PTP4A1: variants seen among roughly 807,000 people sequenced by gnomAD.
The protein encoded by PTP4A1 is protein tyrosine phosphatase 4A1.
A neutral mutation model predicts 20.5 loss-of-function variants in PTP4A1; 9 were observed. The ratio of observed to expected loss-of-function variants is 0.44; its 90% CI spans 0.26 to 0.77. The LOEUF is 0.77. Among genes scored for constraint, PTP4A1 ranks in the 30% least tolerant of loss-of-function variants. The probability of loss-of-function intolerance (pLI) is 0.19; values close to 1 mark genes in which losing one functional copy is unlikely to be tolerated. For synonymous variants in PTP4A1, 78 were observed against 67.4 expected (o/e 1.16, Z -0.77); for missense variants, 137 against 218.8 (o/e 0.63, Z 2.36).
At chr6:63,536,607 C>T (rs939976133) in intron 2 of PTP4A1, among the ~76,000 whole-genome samples, 3 of 152,040 alleles carry the variant, frequency 2.0e-5, no homozygotes, top group Admixed American at 2.0e-4. Flanking sequence ...TGATGTATGA[C>T]TTTATAATAT....
At chr6:63,529,521 C>G (rs1206517414) in intron 2 of PTP4A1, among the ~76,000 whole-genome samples, 1 of 152,136 alleles carries the variant, frequency 6.6e-6, no homozygotes, top group Non-Finnish European at 1.5e-5. Flanking sequence ...AACAACCTAG[C>G]CTTCCTTTTC....
chr6:63,548,794 C>A, intron 2 of PTP4A1: 1 of 728,972 alleles, frequency 1.4e-6, no homozygotes, highest in Admixed American at 1.9e-5. Flanking sequence ...AGGACATTGC[C>A]TCCCCAGTGA....
chr6:63,547,074 T>C (rs1776223891), intron 2 of PTP4A1, among the ~76,000 whole-genome samples: 1 of 152,326 alleles, frequency 6.6e-6, no homozygotes, highest in Middle Eastern at 3.4e-3. Context: ...TATTTGAGCA[T>C]TCTCCTTTCA....
intron 2 of PTP4A1, among the ~76,000 whole-genome samples, chr6:63,528,953 G>T (rs965570735): frequency 6.6e-5 from 10 of 151,854 alleles, no homozygotes; most frequent in Admixed American, 2.0e-4. Context: ...GCTGGGCGTG[G>T]TGGCACATGC....
rs1477485422 is a variant in PTP4A1, at chr6:63,581,763, GT to G, written c.*1593del. On this transcript the variant is annotated 3_prime_UTR_variant, in exon 6 of 6. Transcript: ENST00000626021. ...TAAAGCTCAGTTCCACTAGTTCATGGTTTTGTGCAACTTCTGAGCCTCAGTT... is the reference window on the plus strand; with the variant it reads ...TAAAGCTCAGTTCCACTAGTTCATGGTTTGTGCAACTTCTGAGCCTCAGTT... 6.6e-5 allele frequency: 10 copies of G among 152,056 alleles called. No homozygotes were observed. Among genetic ancestry groups the G allele is most frequent in the Non-Finnish European group, 2.9e-5 (2 of 67,984 alleles). 9.4% of individuals were successfully genotyped at this position (152,056 alleles called of 1,614,324 possible). A position where few individuals can be genotyped will look rare whatever the true frequency, so the allele number is the denominator to read the frequency against.
intron 3 of PTP4A1, among the ~76,000 whole-genome samples, chr6:63,553,819 T>C (rs1776551478): frequency 6.6e-6 from 1 of 152,192 alleles, no homozygotes; most frequent in African/African-American, 2.4e-5. Context: ...ACAAAACCAT[T>C]GCCCAGCCTG....
intron 2 of PTP4A1, chr6:63,548,702 G>A: frequency 1.7e-6 from 1 of 602,172 alleles, no homozygotes. Context: ...ACTCAACAGT[G>A]TACATTTAAC....
intron 2 of PTP4A1, among the ~76,000 whole-genome samples, chr6:63,541,423 G>T (rs1350150611): frequency 6.6e-6 from 1 of 151,942 alleles, no homozygotes; most frequent in Non-Finnish European, 1.5e-5. Context: ...CATAGTGGCA[G>T]GTGCCTATAA....
Position 63,576,963 on chromosome 6 carries a change from C to T in PTP4A1, c.83C>T (p.Ala28Val), listed in dbSNP as rs529722832. Residue 28 changes from alanine (A) to valine (V), a missense_variant, in exon 2 of 6, where the codon GCG (alanine) becomes GTG (valine). Ala to Val is a moderately conservative substitution (Grantham distance 64, BLOSUM62 0). Transcript: ENST00000626021. ...RFLITHNPTN[A>V]TLNKFIEELK... ...CTTATTACACACAATCCAACCAATGCGACCTTAAACAAATTTATAGAGGTA... is the reference window on the plus strand; with the variant it reads ...CTTATTACACACAATCCAACCAATGTGACCTTAAACAAATTTATAGAGGTA... 5.0e-6 allele frequency: 8 copies of T among 1,612,168 alleles called. No homozygotes were observed. Among genetic ancestry groups the T allele is most frequent in the South Asian group, 2.2e-5 (2 of 91,004 alleles).
At chr6:63,544,236 G>GA (rs1170532578) in intron 2 of PTP4A1, among the ~76,000 whole-genome samples, 1 of 152,098 alleles carries the variant, frequency 6.6e-6, no homozygotes, top group Non-Finnish European at 1.5e-5. Flanking sequence ...AAAGATGCAA[G>GA]AAAAATATAA....
At chr6:63,527,240 A>G (rs758788944) in intron 1 of PTP4A1, among the ~76,000 whole-genome samples, 1 of 152,148 alleles carries the variant, frequency 6.6e-6, no homozygotes, top group African/African-American at 2.4e-5. Context: ...GCACATTTTA[A>G]ACAGAGCACA....
rs1778245293 is a variant in PTP4A1 at position 63,581,733 on chromosome 6, G to C, written c.*1559G>C. 1 of 152,060 alleles carries C rather than the reference G, an allele frequency of 6.6e-6. No individual in the cohort carries two copies. The highest frequency in any genetic ancestry group is 6.5e-5 in the Admixed American group (1 of 15,272). The allele number at this position is 152,060 out of a possible 1,614,324, so 9.4% of individuals were successfully genotyped here. On this transcript the variant is annotated 3_prime_UTR_variant, in exon 6 of 6. Transcript: ENST00000626021. ...TAATGTATAGTAGAGGACAGCCTTG[G>C]TTTGTAAAGCTCAGTTCCACTAGTT... is the stretch of plus-strand genomic sequence containing the variant.
At chr6:63,544,787 A>G (rs1231934794) in intron 2 of PTP4A1, among the ~76,000 whole-genome samples, 1 of 152,144 alleles carries the variant, frequency 6.6e-6, no homozygotes, top group Non-Finnish European at 1.5e-5. Flanking sequence ...TTTCCTCTCC[A>G]CGTATCCTAT....
chr6:63,576,090 T>C (rs1777846998), intron 1 of PTP4A1, among the ~76,000 whole-genome samples: 1 of 149,888 alleles, frequency 6.7e-6, no homozygotes, highest in Non-Finnish European at 1.5e-5. Flanking sequence ...TATAATTATA[T>C]ATTATATATA....
upstream of PTP4A1, among the ~76,000 whole-genome samples, chr6:63,519,097 C>T (rs1774831148): frequency 6.6e-6 from 1 of 152,154 alleles, no homozygotes; most frequent in Non-Finnish European, 1.5e-5. Flanking sequence ...GGCAGATCGC[C>T]TGAAGTTCAA....
At chr6:63,569,214 C>T (rs1777312240), upstream of PTP4A1, among the ~76,000 whole-genome samples, 1 of 152,176 alleles carries the variant, frequency 6.6e-6, no homozygotes, top group South Asian at 2.1e-4. Flanking sequence ...TTCCTCTGCA[C>T]TCTTGCCTTC....
intron 2 of PTP4A1, among the ~76,000 whole-genome samples, chr6:63,545,869 A>T (rs1581924177): frequency 6.6e-6 from 1 of 152,198 alleles, no homozygotes. Context: ...AGAAAGAAAA[A>T]AAAGAAAAGA....
chr6:63,566,128 G>A lies in PTP4A1; in HGVS notation c.-445-10308G>A, dbSNP rs79263135. On this transcript the variant is annotated intron_variant, in intron 3 of 3. Coordinates refer to the PTP4A1 transcript ENST00000639568. ...TTGTCCCACTGAACCCATAGCTGGAGTTGCCTTAAAAGCAGCAGCAGGAGA... is the reference window on the plus strand; with the variant it reads ...TTGTCCCACTGAACCCATAGCTGGAATTGCCTTAAAAGCAGCAGCAGGAGA... Among the ~76,000 whole-genome samples the A allele has an allele frequency of 7.8e-3, 1,190 of 152,330 alleles. 10 individuals are homozygous for A. Among genetic ancestry groups the A allele is most frequent in the African/African-American group, 0.027 (1,115 of 41,568 alleles).
At chr6:63,540,583 TCA>T (rs1775919255) in intron 2 of PTP4A1, among the ~76,000 whole-genome samples, 1 of 151,340 alleles carries the variant, frequency 6.6e-6, no homozygotes, top group South Asian at 2.1e-4. Flanking sequence ...ATTGCTCCAC[TCA>T]CTGCACTCCA....
Sources: allele counts gnomAD v4.1 joint callset (sites outside exome capture counted in the v4.1 genomes callset), GRCh38; gene constraint gnomAD v4.1.1; transcripts MANE v1.5; gene names NCBI Gene and HGNC (gene_info 2026-07-23, HGNC 2026-07-21).